The following RIT2 variants were observed in gnomAD, a reference collection of about 807,000 sequenced individuals.
The protein encoded by RIT2 is GTP-binding protein Rit2.
In RIT2, 24 loss-of-function variants were observed where a neutral mutation model predicts 23.7. The observed-to-expected ratio is 1.01, with a 90% CI of 0.73 to 1.43. The LOEUF is 1.43. Among genes scored for constraint, RIT2 ranks in the 40% most tolerant of loss-of-function variants. RIT2 has a pLI of 0.00. For missense variants in RIT2, 236 were observed against 266.9 expected (o/e 0.88, Z 0.81); for synonymous variants, 107 against 91.1 (o/e 1.17, Z -0.99).
chr18:42,838,014 T>A (rs532702801), intron 4 of RIT2, among the ~76,000 whole-genome samples: 55 of 152,218 alleles, frequency 3.6e-4, no homozygotes, highest in African/African-American at 1.1e-3. Flanking sequence ...CATGGCAATA[T>A]AAAAACCTGA....
chr18:43,005,969 A>G (rs781747014), intron 2 of RIT2, among the ~76,000 whole-genome samples: 1 of 151,882 alleles, frequency 6.6e-6, no homozygotes, highest in Non-Finnish European at 1.5e-5. Flanking sequence ...GTGAAGTAGA[A>G]AGCTCCCTCA....
At chr18:42,968,162 A>T (rs1345914833) in intron 3 of RIT2, among the ~76,000 whole-genome samples, 1 of 152,172 alleles carries the variant, frequency 6.6e-6, no homozygotes, top group Non-Finnish European at 1.5e-5. Context: ...CAGAATAGTG[A>T]CTGGCTTTTC....
At chr18:42,794,491 T>C (rs1035981486) in intron 4 of RIT2, among the ~76,000 whole-genome samples, 6 of 152,232 alleles carry the variant, frequency 3.9e-5, no homozygotes, top group Non-Finnish European at 7.3e-5. Flanking sequence ...GCTTCTACAG[T>C]ACATCTTCCA....
intron 3 of RIT2, among the ~76,000 whole-genome samples, chr18:42,929,618 T>C (rs1954816825): frequency 6.6e-6 from 1 of 152,168 alleles, no homozygotes; most frequent in Non-Finnish European, 1.5e-5. Flanking sequence ...CAGGAATAGC[T>C]GCATAATTTG....
intron 2 of RIT2, among the ~76,000 whole-genome samples, chr18:42,987,167 T>C (rs1171595045): frequency 1.3e-5 from 2 of 152,186 alleles, no homozygotes; most frequent in Admixed American, 6.5e-5. Flanking sequence ...AATATAAGTG[T>C]TTATGTATGT....
At chr18:42,943,658 A>T (rs567134862) in intron 3 of RIT2, among the ~76,000 whole-genome samples, 26 of 152,136 alleles carry the variant, frequency 1.7e-4, no homozygotes, top group Admixed American at 1.5e-3. Context: ...AGTTTGATAA[A>T]TTTTTTGCCC....
rs559365031 is a variant in RIT2 at position 42,961,381 on chromosome 18, C to T, written c.234+12693G>A. On this transcript the variant is annotated intron_variant, in intron 3 of 4. Transcript: ENST00000326695. The stretch of plus-strand genomic sequence containing the variant: ...CAAAGCTGGACAACTTATTGCAGGA[C>T]GCATCAACTCAGGTTTAACACAGGA... Among the ~76,000 whole-genome samples, 24 of 152,298 alleles carry T rather than the reference C, an allele frequency of 1.6e-4. No homozygotes were observed. In the South Asian group the frequency reaches 2.5e-3, roughly 16 times the overall value.
intron 1 of RIT2, among the ~76,000 whole-genome samples, chr18:43,041,859 A>G (rs188408177): frequency 5.1e-4 from 78 of 152,208 alleles, no homozygotes; most frequent in Admixed American, 1.8e-3. Flanking sequence ...TGTCAGTGGT[A>G]TTTGGCCAGA....
intron 4 of RIT2, among the ~76,000 whole-genome samples, chr18:42,844,462 A>C (rs1038364213): frequency 3.9e-5 from 6 of 152,134 alleles, no homozygotes; most frequent in Non-Finnish European, 8.8e-5. Flanking sequence ...AGTGGTTCTC[A>C]GTGTAGAAGG....
In RIT2 at chr18:42,866,177, C is replaced by T. The variant is rs193287931; in HGVS notation, c.426+57395G>A. On this transcript the variant is annotated intron_variant, in intron 4 of 4. Transcript: ENST00000326695. ...ATTGACATGAGAAGCTGGTTATTTTCTTCCATCTTCCCTTACTTAAGCATT... is the reference window on the plus strand; with the variant it reads ...ATTGACATGAGAAGCTGGTTATTTTTTTCCATCTTCCCTTACTTAAGCATT... 1.4e-3 allele frequency among the ~76,000 whole-genome samples: 216 copies of T among 152,228 alleles called. 2 individuals are homozygous for T. The highest frequency in any genetic ancestry group is 5.1e-3 in the African/African-American group (211 of 41,556).
intron 2 of RIT2, among the ~76,000 whole-genome samples, chr18:42,993,862 C>T (rs1028876475): frequency 2.6e-5 from 4 of 152,122 alleles, no homozygotes; most frequent in African/African-American, 7.2e-5. Flanking sequence ...CCACTCAACG[C>T]CAATATCCCA....
At chr18:43,033,506 C>T (rs1911905086) in intron 2 of RIT2, among the ~76,000 whole-genome samples, 1 of 151,988 alleles carries the variant, frequency 6.6e-6, no homozygotes, top group Admixed American at 6.6e-5. Context: ...TTTTATTATC[C>T]AGAGAAACTT....
rs111330691 is a variant in RIT2 at position 42,931,621 on chromosome 18, T to A, written c.235-7858A>T. On this transcript the variant is annotated intron_variant, in intron 3 of 4. Transcript: ENST00000326695. ...AAGTTTCATGACCGCCTCTGGGGGG[T>A]ACAAATCCACTAAAAGATATTTTTA... Among the ~76,000 whole-genome samples, 1,037 of 152,168 alleles carry A rather than the reference T, an allele frequency of 6.8e-3. 10 individuals carry two copies. Among genetic ancestry groups the A allele is most frequent in the African/African-American group, 0.024 (996 of 41,548 alleles).
At chr18:43,012,604 C>A (rs141631536) in intron 2 of RIT2, among the ~76,000 whole-genome samples, 2,019 of 151,454 alleles carry the variant, frequency 0.013, 47 homozygotes, top group African/African-American at 0.047. Flanking sequence ...TTTTTCTTTT[C>A]ATACTCTATG....
chr18:42,893,821 C>T (rs1039776783), intron 4 of RIT2, among the ~76,000 whole-genome samples: 10 of 152,284 alleles, frequency 6.6e-5, no homozygotes, highest in Admixed American at 1.3e-4. Flanking sequence ...ACACCCCTCA[C>T]TCCTTTCATT....
At chr18:42,819,287 T>TG (rs1218719780) in intron 4 of RIT2, among the ~76,000 whole-genome samples, 4 of 152,064 alleles carry the variant, frequency 2.6e-5, no homozygotes, top group African/African-American at 4.8e-5. Flanking sequence ...TGCATTTCTA[T>TG]CCTAACACTT....
intron 4 of RIT2, among the ~76,000 whole-genome samples, chr18:42,780,046 G>GTTTTT (rs1913770536): frequency 4.0e-5 from 2 of 50,560 alleles, no homozygotes; most frequent in Non-Finnish European, 5.9e-5. Flanking sequence ...TCAATTTAGA[G>GTTTTT]GTTTTTTTTT....
chr18:43,029,776 G>A (rs540357637), intron 2 of RIT2, among the ~76,000 whole-genome samples: 6 of 152,064 alleles, frequency 3.9e-5, no homozygotes, highest in Non-Finnish European at 5.9e-5. Context: ...GAGCAGAGGA[G>A]TAAGATAAGA....
chr18:42,859,683 TTTTA>T, intron 4 of RIT2, among the ~76,000 whole-genome samples: 1 of 152,230 alleles, frequency 6.6e-6, no homozygotes, highest in South Asian at 2.1e-4. Flanking sequence ...AATTTTACAA[TTTTA>T]CCTTCTACAT....
Sources: gnomAD v4.1 joint callset for allele counts (sites outside exome capture counted in the v4.1 genomes callset) on GRCh38, gnomAD v4.1.1 for gene constraint, MANE v1.5 for transcripts, NCBI Gene and HGNC (gene_info 2026-07-23, HGNC 2026-07-21) for gene names.